The following CSMD1 variants were observed in gnomAD, a reference collection of about 807,000 sequenced individuals.
CSMD1 encodes the protein CUB and Sushi multiple domains 1, also known as CUB and sushi domain-containing protein 1.
In CSMD1, 213 loss-of-function variants were observed where a neutral mutation model predicts 417.5. That is an observed-to-expected ratio of 0.51 (90% CI 0.46 to 0.57). CSMD1 has a LOEUF of 0.57. Ranked by LOEUF, CSMD1 falls within the 20% of genes least tolerant of loss-of-function variation. CSMD1 has a pLI of 0.00. For missense variants in CSMD1, 6,923 were observed against 4,529.7 expected, an observed-to-expected ratio of 1.53 and a Z score of -15.17; for synonymous variants, 2,862 against 1,736.8, an observed-to-expected ratio of 1.65 and a Z score of -16.11.
intron 1 of CSMD1, among the ~76,000 whole-genome samples, chr8:4,766,473 G>A (rs990163479): frequency 4.7e-4 from 72 of 152,318 alleles, no homozygotes; most frequent in African/African-American, 1.7e-3. Context: ...AAGAAAAGAA[G>A]AGAGCTGCAA....
At chr8:4,691,382 T>C (rs538456521) in intron 1 of CSMD1, among the ~76,000 whole-genome samples, 1 of 152,206 alleles carries the variant, frequency 6.6e-6, no homozygotes, top group Non-Finnish European at 1.5e-5. Context: ...GATAGACACC[T>C]ATTACTAAAG....
At chr8:3,837,519 G>C (rs905131252) in intron 5 of CSMD1, among the ~76,000 whole-genome samples, 4 of 152,172 alleles carry the variant, frequency 2.6e-5, no homozygotes, top group Admixed American at 2.6e-4. Context: ...AGGATGCAGA[G>C]ACATTTAAAA....
chr8:4,104,565 A>C (rs1801470868), intron 3 of CSMD1, among the ~76,000 whole-genome samples: 1 of 152,168 alleles, frequency 6.6e-6, no homozygotes, highest in African/African-American at 2.4e-5. Flanking sequence ...TTTTCTGTTA[A>C]ACTGTAAATA....
At chr8:4,550,111 A>C (rs2130559190) in intron 2 of CSMD1, among the ~76,000 whole-genome samples, 1 of 151,808 alleles carries the variant, frequency 6.6e-6, no homozygotes, top group East Asian at 2.0e-4. Flanking sequence ...GTAGAAACGG[A>C]CTTTTCCCCA....
intron 10 of CSMD1, among the ~76,000 whole-genome samples, chr8:3,509,722 T>C (rs1311391677): frequency 6.6e-6 from 1 of 152,060 alleles, no homozygotes; most frequent in East Asian, 1.9e-4. Flanking sequence ...TTCCTATTAA[T>C]TAACAGAATA....
chr8:4,538,275 T>C (rs561795692), intron 2 of CSMD1, among the ~76,000 whole-genome samples: 1 of 152,232 alleles, frequency 6.6e-6, no homozygotes, highest in Non-Finnish European at 1.5e-5. Flanking sequence ...GCATTTATTT[T>C]GTTATCCTAC....
chr8:4,649,899 T>G lies in CSMD1; in HGVS notation c.86-12341A>C, dbSNP rs915174171. On this transcript the variant is annotated intron_variant, in intron 1 of 69. Coordinates refer to ENST00000635120, the MANE Select transcript of CSMD1 (RefSeq NM_033225.6). ...TCAATAATATTTGCAGGTGTATGAC[T>G]GGGGGCACCATGTGTTGATGCACAG... Among the ~76,000 whole-genome samples the G allele has an allele frequency of 3.2e-4, 49 of 152,308 alleles. 1 individual carries two copies. The highest frequency in any genetic ancestry group is 2.0e-3 in the Admixed American group (30 of 15,294).
At chr8:3,623,498 A>T (rs1796355820) in intron 7 of CSMD1, among the ~76,000 whole-genome samples, 1 of 152,254 alleles carries the variant, frequency 6.6e-6, no homozygotes, top group African/African-American at 2.4e-5. Context: ...GTGAATAATC[A>T]GAATTAATTA....
At chr8:4,332,644 C>T (rs984576727) in intron 3 of CSMD1, among the ~76,000 whole-genome samples, 4 of 150,804 alleles carry the variant, frequency 2.7e-5, no homozygotes, top group Non-Finnish European at 5.9e-5. Context: ...CACAGACATG[C>T]AGCTCTCATT....
At chr8:4,047,656 G>A (rs933780804) in intron 3 of CSMD1, among the ~76,000 whole-genome samples, 1 of 151,888 alleles carries the variant, frequency 6.6e-6, no homozygotes, top group African/African-American at 2.4e-5. Context: ...GAGTATATTT[G>A]GGGCATGCAG....
At chr8:3,175,475 C>CCCTTCCTTCCTT (rs201071094) in intron 37 of CSMD1, among the ~76,000 whole-genome samples, 3 of 132,470 alleles carry the variant, frequency 2.3e-5, no homozygotes, top group African/African-American at 2.9e-5. Context: ...TCCTTCTTTT[C>CCCTTCCTTCCTT]CCTTCCTTCC....
At chr8:4,095,456 G>C (rs1036470646) in intron 3 of CSMD1, among the ~76,000 whole-genome samples, 2 of 152,126 alleles carry the variant, frequency 1.3e-5, no homozygotes, top group Non-Finnish European at 2.9e-5. Flanking sequence ...TGCAATTTGA[G>C]CATTTTGTAT....
intron 57 of CSMD1, among the ~76,000 whole-genome samples, chr8:2,967,616 T>C (rs1386854447): frequency 2.6e-5 from 4 of 151,970 alleles, no homozygotes; most frequent in Non-Finnish European, 5.9e-5. Context: ...TAATATACAA[T>C]AGGCAGGTAA....
intron 2 of CSMD1, among the ~76,000 whole-genome samples, chr8:4,615,805 T>A (rs1452404801): frequency 6.6e-6 from 1 of 152,166 alleles, no homozygotes; most frequent in East Asian, 1.9e-4. Flanking sequence ...ACTATTTCCA[T>A]CTTATTCCTG....
intron 7 of CSMD1, among the ~76,000 whole-genome samples, chr8:3,703,661 G>T (rs13254157): frequency 1.3e-5 from 2 of 152,046 alleles, no homozygotes; most frequent in East Asian, 1.9e-4. Flanking sequence ...AAGAAGCAGA[G>T]GAAGAGATGA....
At chr8:3,881,631 AAAAC>A (rs138856594) in intron 5 of CSMD1, among the ~76,000 whole-genome samples, 35,803 of 148,146 alleles carry the variant, frequency 0.24, 5,571 homozygotes, top group African/African-American at 0.43. Flanking sequence ...AACAAAAACA[AAAAC>A]AAACAAACAA....
chr8:3,483,339 G>T (rs928406785), intron 11 of CSMD1, among the ~76,000 whole-genome samples: 1 of 151,716 alleles, frequency 6.6e-6, no homozygotes, highest in Non-Finnish European at 1.5e-5. Context: ...AAGATAATAA[G>T]GAAATATTAT....
rs140621409 is a variant in CSMD1, at chr8:4,638,783, G to A, written c.86-1225C>T. 3.3e-3 allele frequency among the ~76,000 whole-genome samples: 498 copies of A among 152,318 alleles called. 4 individuals carry two copies. In the Middle Eastern group the frequency reaches 0.034, roughly 10 times the overall value. ...TAGGATTGACATGACAATGGGAAAT[G>A]ATGAGGGCTGAAGGGCAATTGAGTG... is the stretch of plus-strand genomic sequence containing the variant. On this transcript the variant is annotated intron_variant, in intron 1 of 69. Coordinates refer to ENST00000635120, the MANE Select transcript of CSMD1 (RefSeq NM_033225.6).
At chr8:2,980,594 C>T (rs992882705) in intron 54 of CSMD1, among the ~76,000 whole-genome samples, 1 of 152,188 alleles carries the variant, frequency 6.6e-6, no homozygotes, top group Non-Finnish European at 1.5e-5. Context: ...GATCCAGTCA[C>T]ACCCTTCTCC....
Sources: allele counts gnomAD v4.1 joint callset (sites outside exome capture counted in the v4.1 genomes callset), GRCh38; gene constraint gnomAD v4.1.1; transcripts MANE v1.5; gene names NCBI Gene and HGNC (gene_info 2026-07-23, HGNC 2026-07-21).